The following ZFP1 variants were observed in gnomAD, a reference collection of about 807,000 sequenced individuals.
ZFP1 encodes the protein ZFP1 zinc finger protein, also known as zinc finger protein 1 homolog.
Under a neutral mutation model 38.5 loss-of-function variants are expected in ZFP1, and 32 were observed. The ratio of observed to expected loss-of-function variants is 0.83; its 90% CI spans 0.63 to 1.12. ZFP1 has a LOEUF of 1.12. Ranked by LOEUF, ZFP1 falls within the 50% of genes most tolerant of loss-of-function variation. ZFP1 has a pLI of 0.00. For synonymous variants in ZFP1, 245 were observed against 168.8 expected (o/e 1.45, Z -3.50); for missense variants, 616 against 480.8 (o/e 1.28, Z -2.63).
chr16:75,167,218 G>C (rs532845322), intron 3 of ZFP1, among the ~76,000 whole-genome samples: 1 of 152,232 alleles, frequency 6.6e-6, no homozygotes, highest in Non-Finnish European at 1.5e-5. Flanking sequence ...ACGGGAGAGA[G>C]GGAGAAGCAG....
At chr16:75,164,849 A>T (rs1474361615) in intron 2 of ZFP1, among the ~76,000 whole-genome samples, 3 of 151,830 alleles carry the variant, frequency 2.0e-5, no homozygotes, top group Non-Finnish European at 4.4e-5. Context: ...CTCGTTGCAC[A>T]GGATGGAGTG....
At chr16:75,148,472 G>C (rs1555520443), upstream of ZFP1, 1 of 152,358 alleles carries the variant, frequency 6.6e-6, no homozygotes, top group South Asian at 2.1e-4. Flanking sequence ...CCTGGGAACG[G>C]CCCGCGCCCC....
chr16:75,150,387 T>TTA (rs1307144087), intron 1 of ZFP1, among the ~76,000 whole-genome samples: 1 of 150,412 alleles, frequency 6.6e-6, no homozygotes, highest in Non-Finnish European at 1.5e-5. Context: ...TTTTTTATTT[T>TTA]TTTTTGTATT....
the ZFP1 span, among the ~76,000 whole-genome samples, chr16:75,131,847 C>G: frequency 0.055 from 8,437 of 152,050 alleles, 332 homozygotes; most frequent in Non-Finnish European, 0.077. Flanking sequence ...CACCTGTAAT[C>G]TCAGCTACTT....
upstream of ZFP1, chr16:75,144,118 A>C (rs556541545): frequency 4.6e-5 from 7 of 152,312 alleles, no homozygotes; most frequent in African/African-American, 1.7e-4. Flanking sequence ...TGTGGTTGTG[A>C]ATTTTAGAAG....
the ZFP1 span, among the ~76,000 whole-genome samples, chr16:75,133,125 ATG>A: frequency 6.6e-6 from 1 of 150,394 alleles, no homozygotes; most frequent in South Asian, 2.1e-4. Context: ...TTACAGGTGC[ATG>A]CCACCACGCC....
intron 2 of ZFP1, among the ~76,000 whole-genome samples, chr16:75,164,238 G>T (rs982535833): frequency 1.3e-5 from 2 of 151,382 alleles, no homozygotes; most frequent in South Asian, 2.1e-4. Flanking sequence ...AACCCTGAAG[G>T]TCTTAGTCTT....
At chr16:75,127,544 C>G in the ZFP1 span, among the ~76,000 whole-genome samples, 8 of 152,142 alleles carry the variant, frequency 5.3e-5, no homozygotes, top group African/African-American at 1.9e-4. Flanking sequence ...TGGTCTTGAA[C>G]TCCTGGCCTC....
At chr16:75,138,407 C>G in the ZFP1 span, among the ~76,000 whole-genome samples, 1 of 152,126 alleles carries the variant, frequency 6.6e-6, no homozygotes, top group Non-Finnish European at 1.5e-5. Flanking sequence ...AAAGGACAAA[C>G]AAAAGGAGTA....
At chr16:75,164,966 C>T (rs193159174) in intron 2 of ZFP1, among the ~76,000 whole-genome samples, 3 of 152,180 alleles carry the variant, frequency 2.0e-5, no homozygotes, top group East Asian at 1.9e-4. Context: ...CTACTATGCC[C>T]GGCTAATTTT....
intron 3 of ZFP1, among the ~76,000 whole-genome samples, chr16:75,167,213 A>C (rs1052530111): frequency 6.6e-6 from 1 of 152,218 alleles, no homozygotes; most frequent in Non-Finnish European, 1.5e-5. Context: ...ATAGGACGGG[A>C]GAGAGGGAGA....
intron 1 of ZFP1, among the ~76,000 whole-genome samples, chr16:75,150,040 T>A (rs2037109934): frequency 6.6e-6 from 1 of 151,920 alleles, no homozygotes; most frequent in African/African-American, 2.4e-5. Flanking sequence ...CCGCCTTGGC[T>A]TCCCAAAGTG....
chr16:75,140,349 A>G, the ZFP1 span, among the ~76,000 whole-genome samples: 2 of 151,914 alleles, frequency 1.3e-5, no homozygotes, highest in Non-Finnish European at 2.9e-5. Flanking sequence ...CAGGAGGACC[A>G]CTTGAGCTCA....
the ZFP1 span, among the ~76,000 whole-genome samples, chr16:75,130,727 G>A: frequency 1.1e-3 from 165 of 152,080 alleles, 4 homozygotes; most frequent in Non-Finnish European, 2.8e-4. Context: ...GGGTGGAGGG[G>A]GAGCCTTCTC....
chr16:75,138,749 A>AGGCAGGAAGAAGCAT, the ZFP1 span, among the ~76,000 whole-genome samples: 1 of 152,228 alleles, frequency 6.6e-6, no homozygotes, highest in African/African-American at 2.4e-5. Flanking sequence ...AATCCCTGGA[A>AGGCAGGAAGAAGCAT]GGCAGGAAGA....
intron 2 of ZFP1, among the ~76,000 whole-genome samples, chr16:75,162,414 G>A (rs879615869): frequency 2.0e-5 from 3 of 152,106 alleles, no homozygotes; most frequent in Non-Finnish European, 4.4e-5. Flanking sequence ...GAGCCACTGC[G>A]TCCAGCCCAA....
upstream of ZFP1, among the ~76,000 whole-genome samples, chr16:75,148,087 C>G (rs920221738): frequency 1.3e-5 from 2 of 152,156 alleles, no homozygotes; most frequent in African/African-American, 4.8e-5. Context: ...AGTTGCAGCA[C>G]ATGATACCTT....
chr16:75,144,604 C>T (rs936333782), upstream of ZFP1, among the ~76,000 whole-genome samples: 3 of 152,178 alleles, frequency 2.0e-5, no homozygotes, highest in Non-Finnish European at 4.4e-5. Context: ...TGTGTACACT[C>T]ACATCACAAT....
At chr16:75,134,080 C>T in the ZFP1 span, among the ~76,000 whole-genome samples, 1 of 151,952 alleles carries the variant, frequency 6.6e-6, no homozygotes, top group Non-Finnish European at 1.5e-5. Flanking sequence ...AAGTTTTAGG[C>T]CTTAAAAATT....
Sources: gnomAD v4.1 joint callset for allele counts (sites outside exome capture counted in the v4.1 genomes callset) on GRCh38, gnomAD v4.1.1 for gene constraint, MANE v1.5 for transcripts, NCBI Gene and HGNC (gene_info 2026-07-23, HGNC 2026-07-21) for gene names.